PLEKHA8: variants seen among roughly 807,000 people sequenced by gnomAD.
The protein encoded by PLEKHA8 is pleckstrin homology domain containing A8.
PLEKHA8 carries 36 observed loss-of-function variants against 68.2 expected under a neutral mutation model. That is an observed-to-expected ratio of 0.53 (90% CI 0.40 to 0.70). The LOEUF (loss-of-function observed/expected upper bound fraction) is 0.70, where lower values mean the gene tolerates loss of function less well. PLEKHA8 is among the 30% of genes least tolerant of loss of function. The pLI is 0.00. For synonymous variants in PLEKHA8, 211 were observed against 216.1 expected (o/e 0.98, Z 0.20); for missense variants, 505 against 615.4 (o/e 0.82, Z 1.90).
chr7:30,061,025 C>G (rs1320467749), intron 10 of PLEKHA8, 83 bp downstream of exon 10: 7 of 1,319,278 alleles, frequency 5.3e-6, no homozygotes, highest in Non-Finnish European at 6.4e-6. Flanking sequence ...CAGAATAAAT[C>G]AAAAAGTGAA....
In PLEKHA8 at chr7:30,055,143, A is replaced by G. The variant is rs1207063586; in HGVS notation, c.954-114A>G. On this transcript the variant is annotated intron_variant, in intron 8 of 13. Coordinates refer to ENST00000449726, the MANE Select transcript of PLEKHA8 (RefSeq NM_001197026.2). Reference sequence around the variant, plus strand: ...GAAAAACAGTTACTGGGGCATATCAAGTCAAACGATTTGCCCTACAGAGAG... The same window carrying G: ...GAAAAACAGTTACTGGGGCATATCAGGTCAAACGATTTGCCCTACAGAGAG... The G allele has an allele frequency of 1.5e-5, 14 of 939,882 alleles. No homozygotes were observed. In the East Asian group the frequency reaches 2.2e-4, roughly 15 times the overall value. The allele number at this position is 939,882 out of a possible 1,614,324, so 58.2% of individuals were successfully genotyped here.
intron 13 of PLEKHA8, among the ~76,000 whole-genome samples, chr7:30,101,296 T>G (rs1795843798): frequency 6.6e-6 from 1 of 152,186 alleles, no homozygotes. Flanking sequence ...AATAAAAGTC[T>G]GTTTTAGTCT....
At chr7:30,115,489 TA>T (rs1562557000) in intron 13 of PLEKHA8, among the ~76,000 whole-genome samples, 2 of 151,862 alleles carry the variant, frequency 1.3e-5, no homozygotes, top group Non-Finnish European at 2.9e-5. Context: ...TACGTGTATG[TA>T]GACATATGTA....
rs372405799 is a variant in PLEKHA8, at chr7:30,126,436, C to G, written c.1363-2830C>G. ...AGATCCTCAGGACAAGAGTTACTTA[C>G]ATAAGGCTAAATGAACTGATGAGGG... On this transcript the variant is annotated intron_variant, in intron 13 of 13. Coordinates refer to the PLEKHA8 transcript ENST00000396257. 2.1e-4 allele frequency among the ~76,000 whole-genome samples: 32 copies of G among 152,308 alleles called. No individual in the cohort carries two copies. In the South Asian group the frequency reaches 6.6e-3, roughly 32 times the overall value.
chr7:30,103,156 G>T (rs1007349009), intron 13 of PLEKHA8, among the ~76,000 whole-genome samples: 3 of 152,142 alleles, frequency 2.0e-5, no homozygotes, highest in Non-Finnish European at 4.4e-5. Context: ...CAGAATTTCT[G>T]TTTCGAATAA....
chr7:30,037,944 C>T (rs1418593559), intron 1 of PLEKHA8, among the ~76,000 whole-genome samples: 2 of 152,070 alleles, frequency 1.3e-5, no homozygotes, highest in Admixed American at 6.5e-5. Context: ...TCTTCCTCCC[C>T]CAACCCCCTC....
At position 30,047,836 on chromosome 7, in the gene PLEKHA8, T is replaced by G; in HGVS notation, c.318T>G (p.Phe106Leu). Residue 106 changes from phenylalanine to leucine, a missense_variant, in exon 4 of 14, where the codon TTT becomes TTG. By Grantham distance (22) the Phe-to-Leu change is conservative (BLOSUM62 0). Coordinates refer to ENST00000449726, the MANE Select transcript of PLEKHA8 (RefSeq NM_001197026.2). ...TATCATCATTTTGTCATTTAGAGTTTGCTGAAAACACTGAAAACTTGAAAA... is the reference window on the plus strand; with the variant it reads ...TATCATCATTTTGTCATTTAGAGTTGGCTGAAAACACTGAAAACTTGAAAA... ...TDSRTQKEKE[F>L]AENTENLKTK... 12 of 1,609,330 alleles carry G rather than the reference T, an allele frequency of 7.5e-6. No homozygotes were observed. Among genetic ancestry groups the G allele is most frequent in the Non-Finnish European group, 1.0e-5 (12 of 1,177,590 alleles).
At chr7:30,061,876 G>C (rs762538552) in intron 10 of PLEKHA8, 21 bp from the exon 11 acceptor site, 16 of 1,612,834 alleles carry the variant, frequency 9.9e-6, no homozygotes, top group Non-Finnish European at 1.3e-5. Flanking sequence ...AACTTAGGTT[G>C]TTTCCCTGCT....
At chr7:30,124,688 C>A (rs1796744460) in intron 13 of PLEKHA8, among the ~76,000 whole-genome samples, 1 of 152,060 alleles carries the variant, frequency 6.6e-6, no homozygotes, top group South Asian at 2.1e-4. Context: ...TTTCTGTTGA[C>A]CTTACTAGAT....
At chr7:30,122,318 TAC>T (rs1796708900) in intron 13 of PLEKHA8, among the ~76,000 whole-genome samples, 1 of 152,236 alleles carries the variant, frequency 6.6e-6, no homozygotes, top group African/African-American at 2.4e-5. Flanking sequence ...GCTTTTGGCT[TAC>T]TTTCCACTGG....
At chr7:30,110,143 C>G (rs1001703322) in intron 13 of PLEKHA8, among the ~76,000 whole-genome samples, 2 of 152,016 alleles carry the variant, frequency 1.3e-5, no homozygotes, top group Non-Finnish European at 2.9e-5. Context: ...GCATTACCCC[C>G]AAGAGCAACC....
At chr7:30,100,054 T>C (rs1795792240) in intron 13 of PLEKHA8, among the ~76,000 whole-genome samples, 1 of 152,182 alleles carries the variant, frequency 6.6e-6, no homozygotes, top group Admixed American at 6.5e-5. Context: ...TCTTTGGCTG[T>C]AGCAGCATCA....
intron 13 of PLEKHA8, among the ~76,000 whole-genome samples, chr7:30,076,274 T>G (rs1794604823): frequency 6.6e-6 from 1 of 152,310 alleles, no homozygotes; most frequent in African/African-American, 2.4e-5. Context: ...AATATTTTCC[T>G]AGTATGGAGA....
Position 30,081,852 on chromosome 7 carries a change from T to TG in PLEKHA8, c.*3066dup, listed in dbSNP as rs1794948566. ...ATGGTAAAAGCCAGTGTTTACACTTTGTAGGGATCAGGGTGTATTTGTTGA... is the reference window on the plus strand; with the variant it reads ...ATGGTAAAAGCCAGTGTTTACACTTTGGTAGGGATCAGGGTGTATTTGTTGA... On this transcript the variant is annotated 3_prime_UTR_variant, in exon 14 of 14. Transcript: ENST00000449726. 2 of 985,338 alleles carry TG rather than the reference T, an allele frequency of 2.0e-6. No homozygotes were observed. Among genetic ancestry groups the TG allele is most frequent in the Admixed American group, 6.2e-5 (1 of 16,258 alleles). The allele number at this position is 985,338 out of a possible 1,614,324, so 61.0% of individuals were successfully genotyped here.
At position 30,051,568 on chromosome 7, in the gene PLEKHA8, C is replaced by G. The variant is rs546480888; in HGVS notation, c.638+1094C>G. On this transcript the variant is annotated intron_variant, in intron 6 of 13. Transcript: ENST00000449726. ...TCGTTCCTTTAACCGATAGAATTAC[C>G]TGTTCTACTTGCATGTTAATTGGCT... Among the ~76,000 whole-genome samples, 303 of 152,100 alleles carry G rather than the reference C, an allele frequency of 2.0e-3. 3 individuals are homozygous for G. Among genetic ancestry groups the G allele is most frequent in the African/African-American group, 7.0e-3 (290 of 41,480 alleles).
downstream of PLEKHA8, among the ~76,000 whole-genome samples, chr7:30,087,340 G>A (rs904792904): frequency 1.4e-4 from 21 of 152,000 alleles, no homozygotes; most frequent in African/African-American, 4.8e-4. Flanking sequence ...TCCTCCCTGC[G>A]GATAACCCTT....
chr7:30,040,876 A>G (rs1791478793), intron 1 of PLEKHA8, among the ~76,000 whole-genome samples: 1 of 152,162 alleles, frequency 6.6e-6, no homozygotes, highest in Non-Finnish European at 1.5e-5. Flanking sequence ...TTGCATCTGT[A>G]ATAGAGGATG....
chr7:30,083,109 A>G lies in PLEKHA8; in HGVS notation c.*4322A>G. Reference sequence around the variant, plus strand: ...TTATAAGTAAAATATATTTTTAGCCATTGTTCTGTTAGCTGAGCTGATGTG... The same window carrying G: ...TTATAAGTAAAATATATTTTTAGCCGTTGTTCTGTTAGCTGAGCTGATGTG... On this transcript the variant is annotated 3_prime_UTR_variant, in exon 14 of 14. Coordinates refer to ENST00000449726, the MANE Select transcript of PLEKHA8 (RefSeq NM_001197026.2). The G allele has an allele frequency of 1.0e-6, 1 of 984,030 alleles. No individual in the cohort carries two copies. The highest frequency in any genetic ancestry group is 1.2e-6 in the Non-Finnish European group (1 of 828,834). The allele number at this position is 984,030 out of a possible 1,614,324, so 61.0% of individuals were successfully genotyped here. A position where few individuals can be genotyped will look rare whatever the true frequency, so the allele number is the denominator to read the frequency against.
At chr7:30,059,252 A>T (rs1449747021) in intron 9 of PLEKHA8, among the ~76,000 whole-genome samples, 1 of 152,234 alleles carries the variant, frequency 6.6e-6, no homozygotes, top group Admixed American at 6.5e-5. Flanking sequence ...GTTAGGAATA[A>T]GTTTTAGAAT....
Sources: gnomAD v4.1 joint callset for allele counts (sites outside exome capture counted in the v4.1 genomes callset) on GRCh38, gnomAD v4.1.1 for gene constraint, MANE v1.5 for transcripts, NCBI Gene and HGNC (gene_info 2026-07-23, HGNC 2026-07-21) for gene names.